Variants in SCLT1 observed in about 807,000 individuals in gnomAD.
SCLT1 encodes sodium channel and clathrin linker 1.
Under a neutral mutation model 112.8 loss-of-function variants are expected in SCLT1, and 78 were observed. The observed-to-expected ratio is 0.69, with a 90% CI of 0.58 to 0.83. The LOEUF (loss-of-function observed/expected upper bound fraction) is 0.83. Among genes scored for constraint, SCLT1 ranks in the 40% least tolerant of loss-of-function variants. The probability of loss-of-function intolerance (pLI) is 0.00; values close to 1 mark genes in which losing one functional copy is unlikely to be tolerated. For synonymous variants in SCLT1, 257 were observed against 254.7 expected (o/e 1.01, Z -0.09); for missense variants, 747 against 770.4 (o/e 0.97, Z 0.36).
chr4:129,086,649 G>C (rs1328567414), intron 1 of SCLT1, among the ~76,000 whole-genome samples: 2 of 152,062 alleles, frequency 1.3e-5, no homozygotes, highest in South Asian at 2.1e-4. Context: ...GTGTTACTGG[G>C]CATCAGCTAT....
rs905997342 is a variant in SCLT1 at position 128,977,658 on chromosome 4, G to A, written c.687-7190C>T. On this transcript the variant is annotated intron_variant, in intron 9 of 20. Transcript: ENST00000281142. ...GAAAACTTAGGGTAGGAGAATTACA[G>A]GTGAAGATAATTAAGAATAAATGAA... Among the ~76,000 whole-genome samples, 31 of 152,042 alleles carry A rather than the reference G, an allele frequency of 2.0e-4. 1 individual carries two copies. The highest frequency in any genetic ancestry group is 7.5e-4 in the African/African-American group (31 of 41,402).
At chr4:128,975,103 A>G (rs1375254784) in intron 9 of SCLT1, among the ~76,000 whole-genome samples, 1 of 129,524 alleles carries the variant, frequency 7.7e-6, no homozygotes, top group East Asian at 2.5e-4. Context: ...CAGTGGTACG[A>G]TCTTGGCTCA....
intron 2 of SCLT1, among the ~76,000 whole-genome samples, chr4:129,055,081 T>C (rs1335507546): frequency 6.6e-6 from 1 of 152,204 alleles, no homozygotes; most frequent in Non-Finnish European, 1.5e-5. Flanking sequence ...CTGGGTATTG[T>C]ATCATTAGCA....
chr4:128,995,598 AT>A (rs748498724), intron 8 of SCLT1, among the ~76,000 whole-genome samples: 3 of 151,962 alleles, frequency 2.0e-5, no homozygotes, highest in Non-Finnish European at 2.9e-5. Context: ...ACCCCCACAA[AT>A]CAGCTGGCCA....
At chr4:128,963,510 G>A (rs1427665015) in intron 11 of SCLT1, among the ~76,000 whole-genome samples, 1 of 152,088 alleles carries the variant, frequency 6.6e-6, no homozygotes, top group Admixed American at 6.5e-5. Context: ...TCTTAGGAGG[G>A]AGTCTTACAG....
chr4:129,008,971 A>G (rs1744272971), intron 5 of SCLT1, among the ~76,000 whole-genome samples: 1 of 152,172 alleles, frequency 6.6e-6, no homozygotes, highest in Non-Finnish European at 1.5e-5. Flanking sequence ...AGCTCCATCT[A>G]TGTTCCTGCA....
At chr4:128,895,197 C>T (rs1249865920) in intron 18 of SCLT1, among the ~76,000 whole-genome samples, 1 of 152,186 alleles carries the variant, frequency 6.6e-6, no homozygotes, top group Non-Finnish European at 1.5e-5. Context: ...AATGAATGTA[C>T]TCAACTAATA....
Position 128,915,675 on chromosome 4 carries a change from G to T in SCLT1, c.1829+20980C>A, listed in dbSNP as rs536085294. Among the ~76,000 whole-genome samples, 528 of 152,262 alleles carry T rather than the reference G, an allele frequency of 3.5e-3. 2 individuals carry two copies. Among genetic ancestry groups the T allele is most frequent in the South Asian group, 0.022 (104 of 4,828 alleles). On this transcript the variant is annotated intron_variant, in intron 18 of 20. Coordinates refer to ENST00000281142, the MANE Select transcript of SCLT1 (RefSeq NM_144643.4). ...AGGATCAAAACTGGAAGAAGAGTTTGGCCTAGAAAAGAAACAATAATTGAT... is the reference window on the plus strand; with the variant it reads ...AGGATCAAAACTGGAAGAAGAGTTTTGCCTAGAAAAGAAACAATAATTGAT...
chr4:128,887,858 G>A (rs1427086428), intron 20 of SCLT1, among the ~76,000 whole-genome samples: 1 of 152,046 alleles, frequency 6.6e-6, no homozygotes, highest in African/African-American at 2.4e-5. Context: ...GTAAGCCAAG[G>A]AATTTTTTTC....
intron 2 of SCLT1, among the ~76,000 whole-genome samples, chr4:129,062,027 C>T (rs1165725857): frequency 2.6e-5 from 4 of 151,358 alleles, no homozygotes; most frequent in Admixed American, 1.3e-4. Context: ...TGCATTAACT[C>T]GCAGCCACCC....
intron 2 of SCLT1, among the ~76,000 whole-genome samples, chr4:129,053,157 C>G (rs994007379): frequency 1.3e-5 from 2 of 152,068 alleles, no homozygotes; most frequent in Admixed American, 6.6e-5. Flanking sequence ...ATTTTGTGGT[C>G]AATTTCAGAA....
At chr4:128,893,494 G>T (rs1157494130) in intron 18 of SCLT1, among the ~76,000 whole-genome samples, 1 of 152,138 alleles carries the variant, frequency 6.6e-6, no homozygotes, top group African/African-American at 2.4e-5. Context: ...CACTGTTCTA[G>T]GTGCTTTCAT....
At chr4:128,939,399 C>T (rs1291400026) in intron 17 of SCLT1, among the ~76,000 whole-genome samples, 1 of 152,110 alleles carries the variant, frequency 6.6e-6, no homozygotes, top group Non-Finnish European at 1.5e-5. Flanking sequence ...ATATACAATT[C>T]GAATTACTAC....
chr4:128,963,716 ACTT>A (rs1284428142), intron 11 of SCLT1, among the ~76,000 whole-genome samples: 1 of 152,150 alleles, frequency 6.6e-6, no homozygotes, highest in Non-Finnish European at 1.5e-5. Context: ...ACTTCATTTC[ACTT>A]CTTTTCTTCT....
At chr4:129,004,354 G>A (rs1743805144) in intron 5 of SCLT1, among the ~76,000 whole-genome samples, 1 of 152,020 alleles carries the variant, frequency 6.6e-6, no homozygotes, top group African/African-American at 2.4e-5. Context: ...GCAAAGAGAA[G>A]AAAATGGTCG....
intron 13 of SCLT1, among the ~76,000 whole-genome samples, chr4:128,953,272 G>A (rs1014921921): frequency 6.6e-6 from 1 of 152,184 alleles, no homozygotes; most frequent in African/African-American, 2.4e-5. Flanking sequence ...TTTTTGAGAA[G>A]AGTAGCATTT....
chr4:128,900,587 T>G (rs1276219990), intron 18 of SCLT1, among the ~76,000 whole-genome samples: 2 of 152,186 alleles, frequency 1.3e-5, no homozygotes, highest in East Asian at 3.8e-4. Context: ...GAAGAAAACC[T>G]AGGCAATACC....
At chr4:129,021,457 A>G (rs771280149) in intron 5 of SCLT1, among the ~76,000 whole-genome samples, 14 of 152,170 alleles carry the variant, frequency 9.2e-5, no homozygotes, top group Non-Finnish European at 1.9e-4. Flanking sequence ...ATTTTGGTGC[A>G]AGCACAGCAG....
rs148752737 is a variant in SCLT1 at position 128,919,598 on chromosome 4, C to G, written c.1829+17057G>C. Among the ~76,000 whole-genome samples the G allele has an allele frequency of 1.7e-3, 262 of 152,002 alleles. 1 individual carries two copies. Among genetic ancestry groups the G allele is most frequent in the African/African-American group, 6.0e-3 (247 of 41,496 alleles). On this transcript the variant is annotated intron_variant, in intron 18 of 20. Transcript: ENST00000281142. ...GGAAATAGAGATGCAAAAAACCATACTAAAGATCAACAAATCCAGAAGTTG... is the reference window on the plus strand; with the variant it reads ...GGAAATAGAGATGCAAAAAACCATAGTAAAGATCAACAAATCCAGAAGTTG...
Sources: gnomAD v4.1 joint callset for allele counts (sites outside exome capture counted in the v4.1 genomes callset) on GRCh38, gnomAD v4.1.1 for gene constraint, MANE v1.5 for transcripts, NCBI Gene and HGNC (gene_info 2026-07-23, HGNC 2026-07-21) for gene names.